The following PEDS1 variants were observed in gnomAD, a reference collection of about 807,000 sequenced individuals.
PEDS1 encodes the protein CarF homolog.
PEDS1 carries 14 observed loss-of-function variants against 35.2 expected under a neutral mutation model. The observed-to-expected ratio is 0.40, with a 90% CI of 0.26 to 0.62. The LOEUF (loss-of-function observed/expected upper bound fraction) is 0.62. PEDS1 is among the 20% of genes least tolerant of loss of function. The pLI, the probability that PEDS1 is intolerant of heterozygous loss-of-function variation, is 0.44. For synonymous variants in PEDS1, 152 were observed against 152.0 expected, an observed-to-expected ratio of 1.00 and a Z score of 0.00; for missense variants, 260 against 367.8, an observed-to-expected ratio of 0.71 and a Z score of 2.40.
chr20:50,136,055 T>A (rs1289356785), intron 2 of PEDS1, among the ~76,000 whole-genome samples: 4 of 152,158 alleles, frequency 2.6e-5, no homozygotes, highest in Non-Finnish European at 5.9e-5. Flanking sequence ...TGTGTAGACA[T>A]CCACCCTCAT....
chr20:50,148,226 G>GA (rs1601234156), intron 1 of PEDS1, among the ~76,000 whole-genome samples: 1 of 152,250 alleles, frequency 6.6e-6, no homozygotes, highest in Non-Finnish European at 1.5e-5. Context: ...TTCAGAGAGA[G>GA]AAGCTGGGCC....
At chr20:50,140,092 C>T (rs748666961) in intron 2 of PEDS1, among the ~76,000 whole-genome samples, 3 of 152,220 alleles carry the variant, frequency 2.0e-5, no homozygotes, top group Non-Finnish European at 2.9e-5. Context: ...CAGCTTCATC[C>T]CTTCCATCTC....
At chr20:50,126,185 A>C (rs2081101496) in intron 5 of PEDS1, among the ~76,000 whole-genome samples, 1 of 152,236 alleles carries the variant, frequency 6.6e-6, no homozygotes, top group Non-Finnish European at 1.5e-5. Flanking sequence ...CTCAGTGCTT[A>C]GAATACAGCC....
At chr20:50,142,921 CAG>C (rs1166184188) in intron 2 of PEDS1, among the ~76,000 whole-genome samples, 3 of 152,134 alleles carry the variant, frequency 2.0e-5, no homozygotes, top group Non-Finnish European at 4.4e-5. Flanking sequence ...GACGCACAGT[CAG>C]GGGGCCAGCG....
At chr20:50,134,811 A>T (rs2081216152) in intron 2 of PEDS1, among the ~76,000 whole-genome samples, 1 of 152,196 alleles carries the variant, frequency 6.6e-6, no homozygotes. Context: ...GCGTAGACAC[A>T]CCTGTCTGAC....
chr20:50,131,064 C>A, intron 2 of PEDS1, 117 bp from the exon 3 acceptor site: 2 of 1,571,992 alleles, frequency 1.3e-6, no homozygotes, highest in Non-Finnish European at 1.7e-6. Context: ...GTCCCTTCTT[C>A]TCTAGTTGGG....
intron 2 of PEDS1, among the ~76,000 whole-genome samples, chr20:50,140,497 G>T (rs766464067): frequency 6.6e-6 from 1 of 152,186 alleles, no homozygotes; most frequent in Non-Finnish European, 1.5e-5. Context: ...CAATGGCTTC[G>T]CTCTGTTCCC....
At position 50,124,635 on chromosome 20, in the gene PEDS1, A is replaced by G. The variant is rs6125909; in HGVS notation, c.*423T>C. 0.06 allele frequency: 10,448 copies of G among 173,386 alleles called. 455 individuals carry two copies. The highest frequency in any genetic ancestry group is 0.095 in the South Asian group (721 of 7,554). The allele number at this position is 173,386 out of a possible 1,614,324, so 10.7% of individuals were successfully genotyped here. On this transcript the variant is annotated 3_prime_UTR_variant, in exon 6 of 6. Transcript: ENST00000371652. ...CAGTATGCAGGGCTGTGGCAGAACAATGCTCCACGACGCTTAGGTGTGCCT... is the reference window on the plus strand; with the variant it reads ...CAGTATGCAGGGCTGTGGCAGAACAGTGCTCCACGACGCTTAGGTGTGCCT...
chr20:50,137,755 C>A (rs1190037574), intron 2 of PEDS1, among the ~76,000 whole-genome samples: 2 of 152,212 alleles, frequency 1.3e-5, no homozygotes, highest in Non-Finnish European at 2.9e-5. Context: ...CTTGTAGTCC[C>A]AGCTACTCGG....
At position 50,125,162 on chromosome 20, in the gene PEDS1, G is replaced by T. The variant is rs1324568356; in HGVS notation, c.709C>A (p.Leu237Met). Residue 237 changes from leucine to methionine, a missense_variant, in exon 6 of 6, where the codon CTG becomes ATG. Transcript: ENST00000371652. Reference protein sequence around the residue: ...CITTGWLNYPLEKIGFWRRLE... With the variant: ...CITTGWLNYPMEKIGFWRRLE... ...CGTCGCCAGAAGCCTATCTTCTCCA[G>T]AGGGTAGTTGAGCCAGCCTGCAGTA... 1 of 1,613,910 alleles carries T rather than the reference G, an allele frequency of 6.2e-7. No individual in the cohort carries two copies. The highest frequency in any genetic ancestry group is 2.2e-5 in the East Asian group (1 of 44,890).
chr20:50,120,186 G>T lies in PEDS1; in HGVS notation c.*4872C>A, dbSNP rs2081038816. On this transcript the variant is annotated 3_prime_UTR_variant, in exon 6 of 6. Transcript: ENST00000371652. ...AGGCTGAGGTGGGAGGATCACTTGA[G>T]CCCAGGAGTCTGAGGTTACAGTGAG... 1 of 162,548 alleles carries T rather than the reference G, an allele frequency of 6.2e-6. No homozygotes were observed. 10.1% of individuals were successfully genotyped at this position (162,548 alleles called of 1,614,324 possible).
intron 1 of PEDS1, among the ~76,000 whole-genome samples, chr20:50,145,989 G>C (rs1364654272): frequency 3.9e-5 from 6 of 152,066 alleles, no homozygotes; most frequent in Non-Finnish European, 8.8e-5. Context: ...CTAAGATCCC[G>C]CTCTCGCCCC....
chr20:50,126,350 G>A (rs2147267727), intron 5 of PEDS1, among the ~76,000 whole-genome samples: 1 of 152,250 alleles, frequency 6.6e-6, no homozygotes, highest in South Asian at 2.1e-4. Context: ...ACCAGGATTG[G>A]AACTCAGCCC....
intron 1 of PEDS1, among the ~76,000 whole-genome samples, chr20:50,150,655 A>G (rs964866496): frequency 1.3e-5 from 2 of 152,052 alleles, no homozygotes; most frequent in African/African-American, 2.4e-5. Context: ...TGTCAAGTTT[A>G]TGGCCCGGCT....
chr20:50,150,170 G>A (rs1353190202), intron 1 of PEDS1, among the ~76,000 whole-genome samples: 4 of 152,012 alleles, frequency 2.6e-5, no homozygotes, highest in Non-Finnish European at 5.9e-5. Context: ...AGCTCACACG[G>A]TTGTAGTGGG....
At position 50,124,008 on chromosome 20, in the gene PEDS1, G is replaced by A. The variant is rs2664558; in HGVS notation, c.*1050C>T. 0.28 allele frequency: 42,927 copies of A among 152,178 alleles called. 6,057 individuals carry two copies. Among genetic ancestry groups the A allele is most frequent in the Middle Eastern group, 0.4 (117 of 294 alleles). The allele number at this position is 152,178 out of a possible 1,614,324, so 9.4% of individuals were successfully genotyped here. On this transcript the variant is annotated 3_prime_UTR_variant, in exon 6 of 6. Transcript: ENST00000371652. Reference sequence around the variant, plus strand: ...ACCCAATCCCCTCCAAAAGGCTTTGGAGCAGATGTCAACATTAATTCACTG... The same window carrying A: ...ACCCAATCCCCTCCAAAAGGCTTTGAAGCAGATGTCAACATTAATTCACTG...
Position 50,137,762 on chromosome 20 carries a change from T to G in PEDS1, c.241+5740A>C, listed in dbSNP as rs188898243. 2.6e-3 allele frequency among the ~76,000 whole-genome samples: 399 copies of G among 152,262 alleles called. 2 individuals are homozygous for G. The highest frequency in any genetic ancestry group is 9.0e-3 in the African/African-American group (376 of 41,556). On this transcript the variant is annotated intron_variant, in intron 2 of 5. Coordinates refer to ENST00000371652, the MANE Select transcript of PEDS1 (RefSeq NM_199129.4). Reference sequence around the variant, plus strand: ...GGCGCGCGCTTGTAGTCCCAGCTACTCGGGAGGCTGAGGCAGAAGAATCGC... The same window carrying G: ...GGCGCGCGCTTGTAGTCCCAGCTACGCGGGAGGCTGAGGCAGAAGAATCGC...
chr20:50,130,696 G>A (rs1461237013), intron 3 of PEDS1, among the ~76,000 whole-genome samples, 160 bp downstream of exon 3: 1 of 152,170 alleles, frequency 6.6e-6, no homozygotes, highest in Non-Finnish European at 1.5e-5. Context: ...AATCCCAAGG[G>A]ACTCCTGTTC....
chr20:50,129,908 G>T lies in PEDS1; in HGVS notation c.334-218C>A, dbSNP rs768315097. Among the ~76,000 whole-genome samples, 23 of 152,192 alleles carry T rather than the reference G, an allele frequency of 1.5e-4. No homozygotes were observed. Among genetic ancestry groups the T allele is most frequent in the Non-Finnish European group, 2.2e-4 (15 of 68,036 alleles). Reference sequence around the variant, plus strand: ...CGAAATGACCCTGGAAGGGCTTTGGGTTGGCACTGTCTGCCTCTGGGCCTC... The same window carrying T: ...CGAAATGACCCTGGAAGGGCTTTGGTTTGGCACTGTCTGCCTCTGGGCCTC... On this transcript the variant is annotated intron_variant, in intron 3 of 5. Coordinates refer to ENST00000371652, the MANE Select transcript of PEDS1 (RefSeq NM_199129.4). This position sits in a 1 kb window ranked among gnomAD's most constrained non-coding sequence, Gnocchi z 4.2.
Sources: gnomAD v4.1 joint callset for allele counts (sites outside exome capture counted in the v4.1 genomes callset) on GRCh38, gnomAD v4.1.1 for gene constraint, Gnocchi (gnomAD v3.1) non-coding constraint, MANE v1.5 for transcripts, NCBI Gene and HGNC (gene_info 2026-07-23, HGNC 2026-07-21) for gene names.